USP34: variants seen among roughly 807,000 people sequenced by gnomAD.
USP34 encodes the protein ubiquitin specific peptidase 34.
USP34 carries 70 observed loss-of-function variants against 460.3 expected under a neutral mutation model. The observed-to-expected ratio is 0.15, with a 90% CI of 0.13 to 0.19. The LOEUF (loss-of-function observed/expected upper bound fraction) is 0.19, where lower values mean the gene tolerates loss of function less well. USP34 is among the 10% of genes least tolerant of loss of function. The pLI, the probability that USP34 is intolerant of heterozygous loss-of-function variation, is 1.00. For missense variants in USP34, 3,985 were observed against 4,236.2 expected (o/e 0.94, Z 1.65); for synonymous variants, 1,647 against 1,405.3 (o/e 1.17, Z -3.85).
At chr2:61,418,118 T>C (rs1174352122) in intron 2 of USP34, among the ~76,000 whole-genome samples, 11 of 151,448 alleles carry the variant, frequency 7.3e-5, no homozygotes, top group Admixed American at 7.2e-4. Flanking sequence ...TCTCACTCTA[T>C]TCCAGGCTGG....
chr2:61,246,038 T>C (rs1275364893), intron 50 of USP34, among the ~76,000 whole-genome samples: 1 of 152,176 alleles, frequency 6.6e-6, no homozygotes, highest in African/African-American at 2.4e-5. Flanking sequence ...GAACAGCTCT[T>C]GAATGAATAG....
chr2:61,374,266 C>T (rs1436734345), intron 8 of USP34, among the ~76,000 whole-genome samples: 6 of 152,056 alleles, frequency 3.9e-5, no homozygotes, highest in Admixed American at 2.6e-4. Context: ...GGATTCAAAC[C>T]GCATCCAAGT....
At chr2:61,388,566 C>G (rs1014949767) in intron 5 of USP34, among the ~76,000 whole-genome samples, 1 of 151,388 alleles carries the variant, frequency 6.6e-6, no homozygotes, top group African/African-American at 2.4e-5. Flanking sequence ...ACCATCCTAG[C>G]TAACACGGTG....
At chr2:61,361,963 C>CA (rs571171796) in intron 10 of USP34, among the ~76,000 whole-genome samples, 4 of 150,644 alleles carry the variant, frequency 2.7e-5, no homozygotes, top group Non-Finnish European at 4.4e-5. Context: ...AACTCAATAG[C>CA]AAAAAAATAA....
intron 72 of USP34, among the ~76,000 whole-genome samples, chr2:61,205,720 A>AT (rs1687100850): frequency 6.6e-6 from 1 of 152,218 alleles, no homozygotes. Context: ...GTAAACATTT[A>AT]TATGGTTCAA....
At chr2:61,296,269 T>C (rs1431159820) in intron 30 of USP34, among the ~76,000 whole-genome samples, 1 of 151,970 alleles carries the variant, frequency 6.6e-6, no homozygotes, top group East Asian at 1.9e-4. Flanking sequence ...CAAAAATAAA[T>C]AAATAAATAA....
rs75997178 is a variant in USP34 at position 61,239,259 on chromosome 2, C to G, written c.6777+2301G>C. 1.8e-3 allele frequency among the ~76,000 whole-genome samples: 258 copies of G among 142,618 alleles called. 1 individual carries two copies. The highest frequency in any genetic ancestry group is 6.4e-3 in the African/African-American group (249 of 38,874). The allele number at this position is 142,618 out of a possible 152,430, so 93.6% of individuals were successfully genotyped here. A position where few individuals can be genotyped will look rare whatever the true frequency, so the allele number is the denominator to read the frequency against. ...CACATCTTTCACCTTAAATCAAAAGCTAGAAATGATTAAGCTTCCTCACTT... is the reference window on the plus strand; with the variant it reads ...CACATCTTTCACCTTAAATCAAAAGGTAGAAATGATTAAGCTTCCTCACTT... On this transcript the variant is annotated intron_variant, in intron 53 of 79. Transcript: ENST00000398571.
chr2:61,337,918 T>C (rs1172435831), intron 18 of USP34, among the ~76,000 whole-genome samples: 1 of 152,228 alleles, frequency 6.6e-6, no homozygotes, highest in Non-Finnish European at 1.5e-5. Flanking sequence ...TTATTAAAAT[T>C]TGTGTTTTCA....
At chr2:61,444,700 C>T (rs1438000314) in intron 1 of USP34, among the ~76,000 whole-genome samples, 1 of 152,070 alleles carries the variant, frequency 6.6e-6, no homozygotes, top group Non-Finnish European at 1.5e-5. Context: ...AGCTTTTTCA[C>T]GGGCTACCTG....
intron 41 of USP34, 86 bp from the exon 42 acceptor site, chr2:61,266,253 T>C: frequency 1.6e-6 from 2 of 1,288,090 alleles, no homozygotes; most frequent in South Asian, 1.5e-5. Context: ...GATGACAGGC[T>C]ACAATTAAGC....
At chr2:61,235,103 GCA>G in intron 57 of USP34, among the ~76,000 whole-genome samples, 1 of 152,192 alleles carries the variant, frequency 6.6e-6, no homozygotes. Flanking sequence ...CTCACAACTC[GCA>G]CATACACATA....
At chr2:61,265,085 T>C (rs766197303) in intron 43 of USP34, among the ~76,000 whole-genome samples, 8 of 152,222 alleles carry the variant, frequency 5.3e-5, no homozygotes, top group African/African-American at 1.4e-4. Context: ...ATTTATTTAT[T>C]TTTGTTTTTT....
In USP34 at chr2:61,288,733, A is replaced by G. The variant is rs774450601; in HGVS notation, c.4693T>C (p.Ser1565Pro). 2 of 1,614,050 alleles carry G rather than the reference A, an allele frequency of 1.2e-6. No homozygotes were observed. The highest frequency in any genetic ancestry group is 2.2e-5 in the South Asian group (2 of 91,078). ...SHRKRTWPGK[S>P]RKAAGDHAKG... is the part of the protein sequence containing the mutation. Reference sequence around the variant, plus strand: ...GCATGATCACCAGCAGCCTTCCTTGATTTGCCAGGCCAGGTTCTTTTCCTA... The same window carrying G: ...GCATGATCACCAGCAGCCTTCCTTGGTTTGCCAGGCCAGGTTCTTTTCCTA... Residue 1565 changes from serine (S) to proline (P), a missense_variant, in exon 34 of 80, where the codon TCA (serine) becomes CCA (proline). Ser to Pro is a moderately conservative substitution (Grantham distance 74, BLOSUM62 -1). Around this residue, in one of 14 missense-constraint regions of USP34, gnomAD observed 1,114 missense variants for 1,122.5 expected, o/e 0.99. Coordinates refer to ENST00000398571, the MANE Select transcript of USP34 (RefSeq NM_014709.4).
chr2:61,337,988 T>G (rs1239310025), intron 18 of USP34, among the ~76,000 whole-genome samples: 3 of 152,196 alleles, frequency 2.0e-5, no homozygotes, highest in Non-Finnish European at 4.4e-5. Context: ...CCTATGTAAA[T>G]GATGACATAT....
chr2:61,458,931 T>G lies in USP34; in HGVS notation c.43+11719A>C, dbSNP rs555258867. On this transcript the variant is annotated intron_variant, in intron 1 of 79. Transcript: ENST00000398571. The stretch of plus-strand genomic sequence containing the variant: ...ATTTACAAAAATGAGCCGGGCACAG[T>G]GGTGGGCGCCTACAATCCCAGCTAC... 5.5e-3 allele frequency among the ~76,000 whole-genome samples: 840 copies of G among 152,028 alleles called. 9 individuals are homozygous for G. The highest frequency in any genetic ancestry group is 8.8e-3 in the Non-Finnish European group (596 of 67,996).
At chr2:61,456,859 T>C (rs1449733300) in intron 1 of USP34, among the ~76,000 whole-genome samples, 1 of 151,986 alleles carries the variant, frequency 6.6e-6, no homozygotes, top group Non-Finnish European at 1.5e-5. Flanking sequence ...AGGCATGTAG[T>C]CCCAGCTACT....
At chr2:61,450,787 T>G (rs536202671) in intron 1 of USP34, among the ~76,000 whole-genome samples, 1 of 151,674 alleles carries the variant, frequency 6.6e-6, no homozygotes, top group South Asian at 2.1e-4. Flanking sequence ...GAAGATACAT[T>G]ATTTCCTTTC....
At chr2:61,374,729 C>T (rs747932959) in intron 8 of USP34, among the ~76,000 whole-genome samples, 1 of 152,050 alleles carries the variant, frequency 6.6e-6, no homozygotes, top group African/African-American at 2.4e-5. Context: ...CCACCAGGCC[C>T]AGCTAATTTT....
At chr2:61,253,339 C>G (rs1688636437) in intron 48 of USP34, among the ~76,000 whole-genome samples, 2 of 152,154 alleles carry the variant, frequency 1.3e-5, no homozygotes, top group East Asian at 1.9e-4. Flanking sequence ...GACTCAGACC[C>G]TTGATGATCT....
Sources: gnomAD v4.1 joint callset for allele counts (sites outside exome capture counted in the v4.1 genomes callset) on GRCh38, gnomAD v4.1.1 for gene constraint, gnomAD v4.1.1 regional missense constraint, MANE v1.5 for transcripts, NCBI Gene and HGNC (gene_info 2026-07-23, HGNC 2026-07-21) for gene names.